Variants in COL19A1 observed in about 807,000 individuals in gnomAD.
COL19A1 encodes the protein collagen type XIX alpha 1 chain.
A neutral mutation model predicts 190.2 loss-of-function variants in COL19A1; 159 were observed. That is an observed-to-expected ratio of 0.84 (90% CI 0.73 to 0.95). The LOEUF (loss-of-function observed/expected upper bound fraction) is 0.95. COL19A1 is among the 40% of genes least tolerant of loss of function. COL19A1 has a pLI of 0.00. For missense variants in COL19A1, 1,418 were observed against 1,431.9 expected (o/e 0.99, Z 0.16); for synonymous variants, 509 against 458.9 (o/e 1.11, Z -1.39).
At chr6:70,036,157 T>C (rs1179086431) in intron 14 of COL19A1, among the ~76,000 whole-genome samples, 2 of 152,240 alleles carry the variant, frequency 1.3e-5, no homozygotes, top group Non-Finnish European at 2.9e-5. Flanking sequence ...AATTAAAGTC[T>C]GGAATCAGTA....
chr6:69,897,444 C>G lies in COL19A1; in HGVS notation c.92-1504C>G, dbSNP rs571221578. Among the ~76,000 whole-genome samples, 14 of 145,068 alleles carry G rather than the reference C, an allele frequency of 9.7e-5. No homozygotes were observed. In the South Asian group the frequency reaches 3.2e-3, roughly 33 times the overall value. Reference sequence around the variant, plus strand: ...TGTAGTTTCATGTAAATTTGAGAATCAGCTTGTCAGTTTTACACACACACA... The same window carrying G: ...TGTAGTTTCATGTAAATTTGAGAATGAGCTTGTCAGTTTTACACACACACA... On this transcript the variant is annotated intron_variant, in intron 2 of 50. Transcript: ENST00000620364.
intron 9 of COL19A1, among the ~76,000 whole-genome samples, chr6:69,942,075 T>A (rs2150025835): frequency 6.6e-6 from 1 of 152,234 alleles, no homozygotes; most frequent in East Asian, 1.9e-4. Context: ...AATTATAACT[T>A]ACTTTTTCTC....
intron 18 of COL19A1, among the ~76,000 whole-genome samples, chr6:70,132,081 A>G (rs1470767401): frequency 6.6e-6 from 1 of 152,208 alleles, no homozygotes; most frequent in Non-Finnish European, 1.5e-5. Flanking sequence ...CGTGATTAAC[A>G]GGAAATTGCC....
At chr6:69,872,082 G>T (rs1248517438) in intron 1 of COL19A1, among the ~76,000 whole-genome samples, 3 of 152,244 alleles carry the variant, frequency 2.0e-5, no homozygotes, top group Admixed American at 2.0e-4. Context: ...CTCCCAAAGT[G>T]CTGGGATTAC....
chr6:70,126,099 T>C (rs889426587), intron 17 of COL19A1, among the ~76,000 whole-genome samples: 5 of 151,960 alleles, frequency 3.3e-5, no homozygotes, highest in African/African-American at 4.8e-5. Flanking sequence ...TGGAGATTTA[T>C]GCTGTGCCTC....
At chr6:70,096,191 C>T (rs1008953376) in intron 15 of COL19A1, among the ~76,000 whole-genome samples, 2 of 151,546 alleles carry the variant, frequency 1.3e-5, no homozygotes, top group African/African-American at 4.9e-5. Context: ...GAGTGATCCT[C>T]CCACCTCAGC....
At chr6:69,977,151 T>A (rs60134810) in intron 11 of COL19A1, among the ~76,000 whole-genome samples, 32,657 of 151,954 alleles carry the variant, frequency 0.21, 6,103 homozygotes, top group African/African-American at 0.5. Context: ...TAGCAAACAC[T>A]TAGAACCAAC....
In COL19A1 at chr6:69,878,606, G is replaced by A. The variant is rs777179405; in HGVS notation, c.-32-930G>A. On this transcript the variant is annotated intron_variant, in intron 1 of 50. Transcript: ENST00000620364. Reference sequence around the variant, plus strand: ...TGCATTGTTAGTAAGAATGAAAATCGTGCAGCTGTTATAGAAAACAGTAGT... The same window carrying A: ...TGCATTGTTAGTAAGAATGAAAATCATGCAGCTGTTATAGAAAACAGTAGT... Among the ~76,000 whole-genome samples the A allele has an allele frequency of 7.2e-5, 11 of 152,226 alleles. No individual in the cohort carries two copies. The South Asian group carries it at 8.3e-4, about 11-fold the overall frequency.
intron 9 of COL19A1, among the ~76,000 whole-genome samples, chr6:69,959,289 G>A (rs1774625037): frequency 6.6e-6 from 1 of 152,076 alleles, no homozygotes; most frequent in African/African-American, 2.4e-5. Flanking sequence ...AAATGGCATT[G>A]GGTATGTATT....
intron 11 of COL19A1, among the ~76,000 whole-genome samples, chr6:70,021,147 T>A (rs1453026948): frequency 6.6e-6 from 1 of 152,114 alleles, no homozygotes; most frequent in African/African-American, 2.4e-5. Flanking sequence ...AGTAACTTAT[T>A]TTTATATGTT....
intron 11 of COL19A1, among the ~76,000 whole-genome samples, chr6:70,016,839 G>C (rs1216977268): frequency 6.6e-6 from 1 of 151,954 alleles, no homozygotes; most frequent in Non-Finnish European, 1.5e-5. Context: ...CCACTAAAAT[G>C]GCTATAATCA....
intron 1 of COL19A1, among the ~76,000 whole-genome samples, chr6:69,875,295 T>C (rs567244707): frequency 6.6e-6 from 1 of 152,346 alleles, no homozygotes; most frequent in Non-Finnish European, 1.5e-5. Context: ...GTTAGGGGCC[T>C]GGTTATTTGG....
rs536975225 is a variant in COL19A1 at position 70,210,620 on chromosome 6, T to C, written c.*3346T>C. Among the ~76,000 whole-genome samples, 3 of 152,304 alleles carry C rather than the reference T, an allele frequency of 2.0e-5. No homozygotes were observed. In the East Asian group the frequency reaches 5.8e-4, roughly 29 times the overall value. ...TTATGAGTTAGGTAAGATTTAGCCT[T>C]TCTGCAGTCTGTCTCATCTGTTGGG... On this transcript the variant is annotated 3_prime_UTR_variant, in exon 51 of 51. Transcript: ENST00000620364.
Position 70,188,230 on chromosome 6 carries a change from C to T in COL19A1, c.3012C>T (p.Gly1004=). 6.2e-7 allele frequency: 1 copy of T among 1,609,188 alleles called. No homozygotes were observed. The highest frequency in any genetic ancestry group is 8.5e-7 in the Non-Finnish European group (1 of 1,178,450). ...ACCAAGGCCCTCCAGGCTCTCCAGGCATCCCTGGCATTCCGGTAAGTAGTG... is the reference window on the plus strand; with the variant it reads ...ACCAAGGCCCTCCAGGCTCTCCAGGTATCCCTGGCATTCCGGTAAGTAGTG... ...PGHQGPPGSP[G]IPGIPADAVS... is the part of the protein sequence containing the mutation. The change falls in exon 47 of 51, where the codon GGC becomes GGT. Residue 1004 remains glycine, a synonymous_variant. Transcript: ENST00000620364.
chr6:70,061,537 T>C (rs1780828323), intron 14 of COL19A1, among the ~76,000 whole-genome samples: 1 of 152,134 alleles, frequency 6.6e-6, no homozygotes, highest in South Asian at 2.1e-4. Flanking sequence ...TTATCATAAA[T>C]ATTTTTTGCG....
At position 70,106,677 on chromosome 6, in the gene COL19A1, T is replaced by C. The variant is rs148441899; in HGVS notation, c.1278+4455T>C. 4.6e-5 allele frequency among the ~76,000 whole-genome samples: 7 copies of C among 152,348 alleles called. No homozygotes were observed. The East Asian group carries it at 1.4e-3, about 29-fold the overall frequency. ...AACAGAGCTAGCTACAATGTATTTTTGTAAAGTATTTGTCCAATTCCTTGT... is the reference window on the plus strand; with the variant it reads ...AACAGAGCTAGCTACAATGTATTTTCGTAAAGTATTTGTCCAATTCCTTGT... On this transcript the variant is annotated intron_variant, in intron 16 of 50. Coordinates refer to ENST00000620364, the MANE Select transcript of COL19A1 (RefSeq NM_001858.6).
chr6:69,868,532 T>C (rs1481876295), intron 1 of COL19A1, among the ~76,000 whole-genome samples: 1 of 152,172 alleles, frequency 6.6e-6, no homozygotes, highest in Non-Finnish European at 1.5e-5. Flanking sequence ...TTGTCCTACC[T>C]GAGCTCTCTA....
chr6:70,018,568 G>C (rs1382744223), intron 11 of COL19A1, among the ~76,000 whole-genome samples: 1 of 152,084 alleles, frequency 6.6e-6, no homozygotes, highest in African/African-American at 2.4e-5. Flanking sequence ...TGAAGGCATT[G>C]GGGGCTGATA....
chr6:70,056,302 C>T (rs180742006), intron 14 of COL19A1, among the ~76,000 whole-genome samples: 1 of 152,236 alleles, frequency 6.6e-6, no homozygotes, highest in East Asian at 1.9e-4. Context: ...AAAATTATTT[C>T]CCTAAGAATT....
Sources: allele counts gnomAD v4.1 joint callset (sites outside exome capture counted in the v4.1 genomes callset), GRCh38; gene constraint gnomAD v4.1.1; transcripts MANE v1.5; gene names NCBI Gene and HGNC (gene_info 2026-07-23, HGNC 2026-07-21).